The following ST14 variants were observed in gnomAD, a reference collection of about 807,000 sequenced individuals.
ST14 encodes the protein ST14 transmembrane serine protease matriptase, also known as suppressor of tumorigenicity 14 protein.
In ST14, 40 loss-of-function variants were observed where a neutral mutation model predicts 96.5. The observed-to-expected ratio is 0.41, with a 90% CI of 0.32 to 0.54. ST14 has a LOEUF of 0.54. Among genes scored for constraint, ST14 ranks in the 20% least tolerant of loss-of-function variants. ST14 has a pLI of 0.17. For synonymous variants in ST14, 506 were observed against 492.1 expected (o/e 1.03, Z -0.37); for missense variants, 1,066 against 1,188.9 (o/e 0.90, Z 1.52).
In ST14 at chr11:130,188,811, G is replaced by T; in HGVS notation, c.370-58G>T. On this transcript the variant is annotated intron_variant, in intron 3 of 18. Transcript: ENST00000278742. This position sits in a 1 kb window ranked among gnomAD's most constrained non-coding sequence, Gnocchi z 5.4. ...GCCCTGGAGGGGAGGGAGCAGCCCG[G>T]GCTTGGGGCAGGGTCATCGCCGCAT... The T allele has an allele frequency of 6.2e-7, 1 of 1,605,018 alleles. No homozygotes were observed. Among genetic ancestry groups the T allele is most frequent in the Non-Finnish European group, 8.5e-7 (1 of 1,175,028 alleles).
At chr11:130,198,041 G>T in intron 12 of ST14, 96 bp downstream of exon 12, 1 of 1,282,980 alleles carries the variant, frequency 7.8e-7, no homozygotes, top group East Asian at 2.5e-5. Context: ...CAGAAAGGCC[G>T]GAGGTGGTGG....
At chr11:130,194,345 C>G in intron 8 of ST14, 57 bp downstream of exon 8, 1 of 1,608,824 alleles carries the variant, frequency 6.2e-7, no homozygotes, top group Non-Finnish European at 8.5e-7. Context: ...AGGGGAAGGC[C>G]TTAGTGGGGG....
intron 1 of ST14, among the ~76,000 whole-genome samples, chr11:130,179,512 C>T (rs1467068784): frequency 2.0e-5 from 3 of 152,188 alleles, no homozygotes; most frequent in Admixed American, 2.0e-4. Context: ...AGGCCCCGTG[C>T]TGGGCCCTGG....
rs754382866 is a variant in ST14 at position 130,198,515 on chromosome 11, G to C, written c.1578G>C (p.Pro526=). The part of the protein sequence containing the change: ...DNSDEQGCSC[P]AQTFRCSNGK... ...GTCCTGGTGCCTCTCCAGGTTGTCC[G>C]GCCCAGACCTTCAGGTGTTCCAATG... The change falls in exon 14 of 19, where the codon CCG becomes CCC. Residue 526 remains proline (P), a synonymous_variant. Transcript: ENST00000278742. 2 of 1,613,922 alleles carry C rather than the reference G, an allele frequency of 1.2e-6. No individual in the cohort carries two copies. Among genetic ancestry groups the C allele is most frequent in the Non-Finnish European group, 8.5e-7 (1 of 1,180,024 alleles).
chr11:130,189,232 G>A (rs970166639), intron 4 of ST14: 6 of 539,858 alleles, frequency 1.1e-5, no homozygotes, highest in Middle Eastern at 5.0e-4. Flanking sequence ...ATTTGGGTAT[G>A]GGGGAGTTGG....
intron 16 of ST14, among the ~76,000 whole-genome samples, chr11:130,202,306 T>C (rs961260371): frequency 5.9e-5 from 9 of 152,348 alleles, no homozygotes; most frequent in African/African-American, 1.7e-4. Context: ...TGGTTACTAT[T>C]GACACTAGAG....
At chr11:130,195,581 G>A (rs7117952) in intron 9 of ST14, among the ~76,000 whole-genome samples, 1 of 152,164 alleles carries the variant, frequency 6.6e-6, no homozygotes, top group African/African-American at 2.4e-5. Flanking sequence ...AGGGCCGGGC[G>A]CAGTGGCTCA....
At chr11:130,194,558 G>C in intron 8 of ST14, 82 bp from the exon 9 acceptor site, 1 of 1,427,156 alleles carries the variant, frequency 7.0e-7, no homozygotes, top group Non-Finnish European at 9.8e-7. Flanking sequence ...GCAGCTCCAG[G>C]CCTCAGGCTG....
At chr11:130,205,115 A>G (rs1184478965) in intron 16 of ST14, among the ~76,000 whole-genome samples, 2 of 152,174 alleles carry the variant, frequency 1.3e-5, no homozygotes, top group Non-Finnish European at 2.9e-5. Flanking sequence ...GAATGAAAAA[A>G]AGGACTAGTA....
chr11:130,207,062 C>T (rs181189845), intron 16 of ST14, among the ~76,000 whole-genome samples: 3 of 152,230 alleles, frequency 2.0e-5, no homozygotes, highest in African/African-American at 4.8e-5. Flanking sequence ...TTTGTGAGGC[C>T]GCATTGCTGT....
chr11:130,195,664 G>A (rs1383170908), intron 9 of ST14, among the ~76,000 whole-genome samples: 6 of 152,108 alleles, frequency 3.9e-5, no homozygotes, highest in Admixed American at 2.6e-4. Flanking sequence ...ACCAGCCTGG[G>A]CAACATTGTG....
At chr11:130,175,359 C>G (rs1953126498) in intron 1 of ST14, among the ~76,000 whole-genome samples, 1 of 150,988 alleles carries the variant, frequency 6.6e-6, no homozygotes, top group African/African-American at 2.4e-5. Flanking sequence ...TTTTCTTTTC[C>G]TCTCTCTCTT....
intron 17 of ST14, among the ~76,000 whole-genome samples, chr11:130,209,232 A>T (rs1167165753): frequency 6.6e-6 from 1 of 151,400 alleles, no homozygotes; most frequent in Non-Finnish European, 1.5e-5. Context: ...GTTCCCTCTC[A>T]ACTCGCCTGG....
intron 1 of ST14, among the ~76,000 whole-genome samples, chr11:130,163,483 A>G (rs1953014746): frequency 6.6e-6 from 1 of 152,198 alleles, no homozygotes. Flanking sequence ...TCTTGGGCCC[A>G]GGTGATCGAT....
intron 16 of ST14, among the ~76,000 whole-genome samples, chr11:130,202,769 A>G (rs904263030): frequency 1.3e-5 from 2 of 152,208 alleles, no homozygotes; most frequent in Admixed American, 6.5e-5. Flanking sequence ...CGTGTTAGCT[A>G]TATGATCTTC....
intron 1 of ST14, among the ~76,000 whole-genome samples, chr11:130,180,439 A>G (rs755519730): frequency 6.6e-6 from 1 of 152,186 alleles, no homozygotes; most frequent in Non-Finnish European, 1.5e-5. Flanking sequence ...TTTGGTTGGA[A>G]TCTTGTGTGG....
intron 1 of ST14, among the ~76,000 whole-genome samples, chr11:130,180,961 T>C (rs1953186407): frequency 6.6e-6 from 1 of 152,074 alleles, no homozygotes; most frequent in African/African-American, 2.4e-5. Flanking sequence ...CCTTCCCGGG[T>C]TTCTGGATCT....
chr11:130,196,739 T>C (rs1255196924), intron 11 of ST14, 39 bp downstream of exon 11: 1 of 1,613,976 alleles, frequency 6.2e-7, no homozygotes, highest in East Asian at 2.2e-5. Flanking sequence ...GGCGGGGGCC[T>C]GCACCGCATG....
chr11:130,209,148 C>G (rs553396869), intron 17 of ST14, among the ~76,000 whole-genome samples: 1 of 152,244 alleles, frequency 6.6e-6, no homozygotes, highest in Non-Finnish European at 1.5e-5. Flanking sequence ...CTCACAGAAC[C>G]CCGCGGGCAT....
Sources: gnomAD v4.1 joint callset for allele counts (sites outside exome capture counted in the v4.1 genomes callset) on GRCh38, gnomAD v4.1.1 for gene constraint, Gnocchi (gnomAD v3.1) non-coding constraint, MANE v1.5 for transcripts, NCBI Gene and HGNC (gene_info 2026-07-23, HGNC 2026-07-21) for gene names.